Variants in HEBP1 observed in about 807,000 individuals in gnomAD.
HEBP1 encodes the protein heme binding protein 1, also known as heme-binding protein 1.
In HEBP1, 13 loss-of-function variants were observed where a neutral mutation model predicts 20.4. The observed-to-expected ratio is 0.64, with a 90% confidence interval of 0.42 to 1.01. The LOEUF (loss-of-function observed/expected upper bound fraction) is 1.01, where lower values mean the gene tolerates loss of function less well. Among genes scored for constraint, HEBP1 ranks in the 50% least tolerant of loss-of-function variants. HEBP1 has a pLI of 0.00. For missense variants in HEBP1, 241 were observed against 247.3 expected, an observed-to-expected ratio of 0.97 and a Z score of 0.17; for synonymous variants, 92 against 90.7, an observed-to-expected ratio of 1.01 and a Z score of -0.08.
chr12:12,987,431 T>C (rs939825679), intron 2 of HEBP1, 99 bp from the exon 3 acceptor site: 3 of 916,142 alleles, frequency 3.3e-6, no homozygotes, highest in East Asian at 5.1e-5. Flanking sequence ...CAAAGTGGTA[T>C]GTTTTTGTTC....
chr12:12,975,588 G>C, intron 3 of HEBP1, 109 bp from the exon 4 acceptor site: 2 of 934,408 alleles, frequency 2.1e-6, no homozygotes, highest in Non-Finnish European at 3.1e-6. Context: ...GCATGCTAGA[G>C]TGGTAAGACT....
Position 13,000,187 on chromosome 12 carries a change from A to C in HEBP1, c.-73T>G, listed in dbSNP as rs1377912504. 3.8e-5 allele frequency: 26 copies of C among 684,754 alleles called. No homozygotes were observed. Among genetic ancestry groups the C allele is most frequent in the East Asian group, 3.8e-4 (11 of 29,020 alleles). 42.4% of individuals were successfully genotyped at this position (684,754 alleles called of 1,614,324 possible). A position where few individuals can be genotyped will look rare whatever the true frequency, so the allele number is the denominator to read the frequency against. ...GGGCGACGGAGCACCACGGGCAGCG[A>C]CCACCGGCGGCAGGGCGGCAGGGCG... On this transcript the variant is annotated 5_prime_UTR_variant, in exon 1 of 4. Transcript: ENST00000014930.
Position 12,983,529 on chromosome 12 carries a change from A to T in HEBP1, c.398+3623T>A, listed in dbSNP as rs569805613. ...ATTTGATAGAGTACTTTTGCATTTG[A>T]AGTAGTACATTTGCCTTCTACCATC... On this transcript the variant is annotated intron_variant, in intron 3 of 3. Coordinates refer to ENST00000014930, the MANE Select transcript of HEBP1 (RefSeq NM_015987.5). 9.7e-4 allele frequency: 345 copies of T among 354,810 alleles called. 1 individual carries two copies. The highest frequency in any genetic ancestry group is 7.0e-3 in the African/African-American group (328 of 47,028). 22.0% of individuals were successfully genotyped at this position (354,810 alleles called of 1,614,324 possible). A position where few individuals can be genotyped will look rare whatever the true frequency, so the allele number is the denominator to read the frequency against.
intron 3 of HEBP1, among the ~76,000 whole-genome samples, chr12:12,977,993 G>A (rs1406620287): frequency 3.3e-5 from 5 of 152,142 alleles, no homozygotes; most frequent in Admixed American, 3.3e-4. Context: ...CAGCCTGACA[G>A]AGCTAAAGAT....
rs189219241 is a variant in HEBP1 at position 12,998,981 on chromosome 12, G to A, written c.78+1056C>T. On this transcript the variant is annotated intron_variant, in intron 1 of 3. Transcript: ENST00000014930. The surrounding 1 kb of genome is among the most constrained non-coding windows in gnomAD (Gnocchi z 4.2). Reference sequence around the variant, plus strand: ...AGCAATGGTACAGCTCTGGGCCTTTGTGCATGCTCTTCTCTGTTGTGTGCA... The same window carrying A: ...AGCAATGGTACAGCTCTGGGCCTTTATGCATGCTCTTCTCTGTTGTGTGCA... Among the ~76,000 whole-genome samples the A allele has an allele frequency of 1.0e-3, 154 of 152,320 alleles. No homozygotes were observed. Among genetic ancestry groups the A allele is most frequent in the African/African-American group, 3.5e-3 (146 of 41,570 alleles).
At chr12:12,980,518 T>G (rs1466445079) in intron 3 of HEBP1, 1 of 152,246 alleles carries the variant, frequency 6.6e-6, no homozygotes, top group Non-Finnish European at 1.5e-5. Context: ...TTTTTGTGTA[T>G]GTGACCTTGT....
chr12:12,993,492 TCTCTCTCTCTC>T (rs1864253311), intron 1 of HEBP1, among the ~76,000 whole-genome samples: 1 of 16,622 alleles, frequency 6.0e-5, no homozygotes, highest in Non-Finnish European at 2.3e-4. Flanking sequence ...TTTTCCTCTC[TCTCTCTCTCTC>T]TCTCTCTCTC....
rs138957612 is a variant in HEBP1 at position 12,994,088 on chromosome 12, T to A, written c.79-4673A>T. 3.9e-5 allele frequency among the ~76,000 whole-genome samples: 6 copies of A among 152,292 alleles called. No individual in the cohort carries two copies. In the East Asian group the frequency reaches 1.2e-3, roughly 29 times the overall value. ...AATATGATAGGGATAATCAGGAGGA[T>A]GGTGAGGAGTATTACACAAATTATT... On this transcript the variant is annotated intron_variant, in intron 1 of 3. Transcript: ENST00000014930.
chr12:12,999,448 G>C (rs995934800), intron 1 of HEBP1, among the ~76,000 whole-genome samples: 4 of 152,194 alleles, frequency 2.6e-5, no homozygotes, highest in Non-Finnish European at 4.4e-5. Flanking sequence ...GACTAAGGGC[G>C]GCTACTAGAG....
intron 3 of HEBP1, chr12:12,984,219 C>T (rs908750945): frequency 2.6e-5 from 4 of 153,230 alleles, no homozygotes; most frequent in African/African-American, 7.3e-5. Flanking sequence ...AAATAGTAAA[C>T]GAGGGGAAGT....
At chr12:12,981,240 G>A (rs1864078236) in intron 3 of HEBP1, among the ~76,000 whole-genome samples, 1 of 152,180 alleles carries the variant, frequency 6.6e-6, no homozygotes, top group Non-Finnish European at 1.5e-5. Flanking sequence ...ACACAGAAAG[G>A]GATCTGATTT....
At position 12,987,320 on chromosome 12, in the gene HEBP1, C is replaced by G. The variant is rs768252960; in HGVS notation, c.230G>C (p.Gly77Ala). The G allele has an allele frequency of 1.2e-6, 2 of 1,612,970 alleles. No homozygotes were observed. Among genetic ancestry groups the G allele is most frequent in the Non-Finnish European group, 1.7e-6 (2 of 1,179,308 alleles). Residue 77 changes from glycine (G) to alanine (A), a missense_variant, in exon 3 of 4, where the codon GGG becomes GCG. Coordinates refer to ENST00000014930, the MANE Select transcript of HEBP1 (RefSeq NM_015987.5). ...GGTNDKGIGMGMTVPISFAVF... is the reference protein window; with the variant it reads ...GGTNDKGIGMAMTVPISFAVF... ...AGCAAAGGAAATAGGGACTGTCATCCCCATCCCAATTCCTGAAAACACAAA... is the reference window on the plus strand; with the variant it reads ...AGCAAAGGAAATAGGGACTGTCATCGCCATCCCAATTCCTGAAAACACAAA...
In HEBP1 at chr12:12,978,199, G is replaced by GTTTTT. The variant is rs76634642; in HGVS notation, c.399-2725_399-2721dup. On this transcript the variant is annotated intron_variant, in intron 3 of 3. Transcript: ENST00000014930. The stretch of plus-strand genomic sequence containing the variant: ...TATGCACAGGTAGACCTACGAAAGG[G>GTTTTT]TTTTTTTTTTTTTTTTTTTTTTTTT... Among the ~76,000 whole-genome samples the GTTTTT allele has an allele frequency of 1.2e-4, 9 of 75,086 alleles. 1 individual carries two copies. The highest frequency in any genetic ancestry group is 3.3e-4 in the African/African-American group (6 of 18,370). The allele number at this position is 75,086 out of a possible 152,430, so 49.3% of individuals were successfully genotyped here.
chr12:12,989,941 G>C (rs1864198581), intron 1 of HEBP1, among the ~76,000 whole-genome samples: 1 of 152,138 alleles, frequency 6.6e-6, no homozygotes, highest in South Asian at 2.1e-4. Context: ...TGGGGGACTG[G>C]ATCCAGGACC....
intron 1 of HEBP1, among the ~76,000 whole-genome samples, chr12:12,994,459 G>T (rs1864267599): frequency 6.6e-6 from 1 of 152,134 alleles, no homozygotes; most frequent in African/African-American, 2.4e-5. Flanking sequence ...TGAATGGAGG[G>T]TCTCTGCAGC....
At chr12:12,995,375 G>A (rs995451689) in intron 1 of HEBP1, among the ~76,000 whole-genome samples, 5 of 152,056 alleles carry the variant, frequency 3.3e-5, no homozygotes, top group African/African-American at 4.8e-5. Flanking sequence ...GATGTACCAC[G>A]CCTTGCATAT....
At chr12:12,983,729 C>A (rs1167060822) in intron 3 of HEBP1, 3 of 455,956 alleles carry the variant, frequency 6.6e-6, no homozygotes, top group Admixed American at 2.3e-5. Flanking sequence ...ACATTTGGCA[C>A]TTTCAGCTGT....
intron 2 of HEBP1, among the ~76,000 whole-genome samples, chr12:12,987,590 TTCTC>T (rs145821079): frequency 1.5e-5 from 2 of 133,212 alleles, no homozygotes; most frequent in African/African-American, 5.8e-5. Flanking sequence ...ATCAGTCTCT[TTCTC>T]TCTCTCTCTC....
In HEBP1 at chr12:13,000,151, T is replaced by A; in HGVS notation, c.-37A>T. ...GACGCTCCCGACGCACGGGAGGACG[T>A]GAGGTGGCGGGGGCGACGGAGCACC... is the stretch of plus-strand genomic sequence containing the variant. On this transcript the variant is annotated 5_prime_UTR_variant, in exon 1 of 4. Coordinates refer to ENST00000014930, the MANE Select transcript of HEBP1 (RefSeq NM_015987.5). The A allele has an allele frequency of 6.5e-7, 1 of 1,531,266 alleles. No individual in the cohort carries two copies. Among genetic ancestry groups the A allele is most frequent in the Non-Finnish European group, 8.9e-7 (1 of 1,122,216 alleles). 94.9% of individuals were successfully genotyped at this position (1,531,266 alleles called of 1,614,324 possible). A position where few individuals can be genotyped will look rare whatever the true frequency, so the allele number is the denominator to read the frequency against.
Sources: gnomAD v4.1 joint callset for allele counts (sites outside exome capture counted in the v4.1 genomes callset) on GRCh38, gnomAD v4.1.1 for gene constraint, Gnocchi (gnomAD v3.1) non-coding constraint, MANE v1.5 for transcripts, NCBI Gene and HGNC (gene_info 2026-07-23, HGNC 2026-07-21) for gene names.